GPM6A: variants seen among roughly 807,000 people sequenced by gnomAD.
GPM6A encodes glycoprotein M6A.
GPM6A carries 7 observed loss-of-function variants against 32.1 expected under a neutral mutation model. The ratio of observed to expected loss-of-function variants is 0.22; its 90% CI spans 0.12 to 0.41. The LOEUF (loss-of-function observed/expected upper bound fraction) is 0.41. Ranked by LOEUF, GPM6A falls within the 10% of genes least tolerant of loss-of-function variation. The pLI is 1.00. For synonymous variants in GPM6A, 130 were observed against 123.4 expected (o/e 1.05, Z -0.35); for missense variants, 235 against 347.2 (o/e 0.68, Z 2.57).
chr4:175,847,993 C>A (rs1736140649), intron 1 of GPM6A, among the ~76,000 whole-genome samples: 1 of 152,164 alleles, frequency 6.6e-6, no homozygotes, highest in African/African-American at 2.4e-5. Flanking sequence ...AGTTTCCTAA[C>A]AAAGTACAAT....
chr4:175,896,159 A>C lies in GPM6A; in HGVS notation c.-22-83910T>G, dbSNP rs188906717. The stretch of plus-strand genomic sequence containing the variant: ...AAGAGTGGCAGGAAATTAGACTTTT[A>C]TCTTTTGGGGAAGCTTTACATTTCA... On this transcript the variant is annotated intron_variant, in intron 1 of 7. Coordinates refer to the GPM6A transcript ENST00000280187. Among the ~76,000 whole-genome samples, 550 of 152,234 alleles carry C rather than the reference A, an allele frequency of 3.6e-3. 3 individuals carry two copies. Among genetic ancestry groups the C allele is most frequent in the African/African-American group, 0.013 (527 of 41,546 alleles).
intron 1 of GPM6A, chr4:175,811,940 C>T: frequency 2.8e-6 from 1 of 362,186 alleles, no homozygotes. Flanking sequence ...GAATAGTTCA[C>T]TACAATACCG....
intron 1 of GPM6A, among the ~76,000 whole-genome samples, chr4:175,931,566 A>G (rs1054931858): frequency 6.6e-6 from 1 of 152,060 alleles, no homozygotes; most frequent in African/African-American, 2.4e-5. Flanking sequence ...CTCAAATGCT[A>G]TGTCCAGGGA....
chr4:175,640,660 A>G (rs1741088730), intron 5 of GPM6A, 93 bp downstream of exon 5: 1 of 857,732 alleles, frequency 1.2e-6, no homozygotes, highest in African/African-American at 1.7e-5. Context: ...ATAAAGGGAA[A>G]AGTCAATATA....
chr4:175,927,497 C>T (rs1738881103), intron 1 of GPM6A, among the ~76,000 whole-genome samples: 1 of 152,250 alleles, frequency 6.6e-6, no homozygotes, highest in East Asian at 1.9e-4. Context: ...GCTAGACCTA[C>T]GTCTCCCAAC....
At chr4:175,822,908 T>C (rs1275276785) in intron 1 of GPM6A, among the ~76,000 whole-genome samples, 1 of 152,188 alleles carries the variant, frequency 6.6e-6, no homozygotes, top group Non-Finnish European at 1.5e-5. Context: ...ACATGCTTTT[T>C]GATACTTTTT....
intron 1 of GPM6A, chr4:176,002,237 T>C (rs1017861383): frequency 1.4e-5 from 21 of 1,497,198 alleles, no homozygotes; most frequent in Non-Finnish European, 1.8e-5. Flanking sequence ...GGAACATTCA[T>C]TTTCTTTCTA....
rs949998950 is a variant in GPM6A, at chr4:175,990,645, T to TTG, written c.-23+11663_-23+11664insCA. ...AGGCTGCTTTTGGGGGTGAAGTAGT[T>TTG]TTTTTTTTTTTTTAACCAGGGAATG... On this transcript the variant is annotated intron_variant, in intron 1 of 7. Coordinates refer to the GPM6A transcript ENST00000280187. Among the ~76,000 whole-genome samples the TTG allele has an allele frequency of 3.4e-5, 5 of 145,072 alleles. No individual in the cohort carries two copies. The East Asian group carries it at 8.1e-4, about 24-fold the overall frequency.
At chr4:175,709,382 C>A (rs1309636974) in intron 1 of GPM6A, among the ~76,000 whole-genome samples, 1 of 151,300 alleles carries the variant, frequency 6.6e-6, no homozygotes, top group Non-Finnish European at 1.5e-5. Flanking sequence ...TCCTTTCTCT[C>A]TTCTTAAAGA....
intron 1 of GPM6A, among the ~76,000 whole-genome samples, chr4:175,989,659 T>C (rs181381919): frequency 3.3e-5 from 5 of 152,354 alleles, no homozygotes; most frequent in African/African-American, 1.2e-4. Flanking sequence ...ATAACTTAGT[T>C]TGATCAGTGT....
chr4:175,856,620 A>G (rs1036642429), intron 1 of GPM6A, among the ~76,000 whole-genome samples: 29 of 152,198 alleles, frequency 1.9e-4, no homozygotes, highest in Non-Finnish European at 1.5e-5. Context: ...TCCAGCATCC[A>G]GGAAGAATCA....
chr4:175,693,265 T>C (rs73002133), intron 2 of GPM6A, among the ~76,000 whole-genome samples: 7,019 of 149,276 alleles, frequency 0.047, 202 homozygotes, highest in Non-Finnish European at 0.062. Context: ...AATATATATA[T>C]ATACACATAT....
In GPM6A at chr4:175,908,849, T is replaced by C. The variant is rs981159334; in HGVS notation, c.-23+93460A>G. 1.7e-4 allele frequency among the ~76,000 whole-genome samples: 26 copies of C among 152,192 alleles called. No homozygotes were observed. The South Asian group carries it at 3.7e-3, about 22-fold the overall frequency. The stretch of plus-strand genomic sequence containing the variant: ...AAAAGATTGTTTTTCTCATATTGTA[T>C]TGGGCTTTGTCTTTGCAAGAATAAT... On this transcript the variant is annotated intron_variant, in intron 1 of 7. Coordinates refer to the GPM6A transcript ENST00000280187.
At chr4:175,786,054 G>A (rs953786777) in intron 1 of GPM6A, among the ~76,000 whole-genome samples, 4 of 152,098 alleles carry the variant, frequency 2.6e-5, no homozygotes, top group Non-Finnish European at 5.9e-5. Flanking sequence ...TGTGACCCAA[G>A]GCATCTCACA....
intron 1 of GPM6A, among the ~76,000 whole-genome samples, chr4:175,811,171 C>T (rs950034411): frequency 3.3e-5 from 5 of 151,860 alleles, no homozygotes; most frequent in Non-Finnish European, 5.9e-5. Context: ...GTGCTTCCAC[C>T]CTATATATTT....
intron 1 of GPM6A, among the ~76,000 whole-genome samples, chr4:175,953,536 CTTTG>C (rs1236989233): frequency 2.0e-5 from 3 of 152,210 alleles, no homozygotes; most frequent in East Asian, 3.9e-4. Context: ...AGTATTATTG[CTTTG>C]TTTATTATGA....
chr4:175,753,976 TCTCCTCAGAGTTTTA>T (rs1732434638), intron 1 of GPM6A, among the ~76,000 whole-genome samples: 1 of 152,092 alleles, frequency 6.6e-6, no homozygotes. Context: ...GAGAGCATTT[TCTCCTCAGAGTTTTA>T]CTTATGTCAA....
At chr4:175,921,386 G>C (rs886720475) in intron 1 of GPM6A, among the ~76,000 whole-genome samples, 1 of 151,832 alleles carries the variant, frequency 6.6e-6, no homozygotes, top group African/African-American at 2.4e-5. Flanking sequence ...CAATTCATTA[G>C]AGCACTGAAA....
intron 1 of GPM6A, among the ~76,000 whole-genome samples, chr4:175,968,894 A>G (rs1309153525): frequency 6.6e-6 from 1 of 152,198 alleles, no homozygotes; most frequent in Non-Finnish European, 1.5e-5. Flanking sequence ...AAAACTAAAA[A>G]TACATTTGGC....
Sources: allele counts gnomAD v4.1 joint callset (sites outside exome capture counted in the v4.1 genomes callset), GRCh38; gene constraint gnomAD v4.1.1; transcripts MANE v1.5; gene names NCBI Gene and HGNC (gene_info 2026-07-23, HGNC 2026-07-21).